DLG2: variants seen among roughly 807,000 people sequenced by gnomAD.
The protein encoded by DLG2 is disks large homolog 2.
In DLG2, 45 loss-of-function variants were observed where a neutral mutation model predicts 132.5. That is an observed-to-expected ratio of 0.34 (90% CI 0.27 to 0.44). The LOEUF (loss-of-function observed/expected upper bound fraction) is 0.44, where lower values mean the gene tolerates loss of function less well. Ranked by LOEUF, DLG2 falls within the 20% of genes least tolerant of loss-of-function variation. The pLI is 1.00. For synonymous variants in DLG2, 424 were observed against 419.6 expected (o/e 1.01, Z -0.13); for missense variants, 1,045 against 1,196.9 (o/e 0.87, Z 1.87).
chr11:85,036,324 G>GT (rs1304020880), intron 6 of DLG2, among the ~76,000 whole-genome samples: 7 of 151,762 alleles, frequency 4.6e-5, no homozygotes, highest in African/African-American at 9.7e-5. Context: ...TTCTTTATTT[G>GT]TTTTTTGTTT....
chr11:83,795,584 C>T (rs7105493), intron 17 of DLG2, among the ~76,000 whole-genome samples: 5,361 of 151,980 alleles, frequency 0.035, 314 homozygotes, highest in African/African-American at 0.12. Flanking sequence ...AGTTGTGTTG[C>T]TGCTGCTGTT....
At chr11:85,566,773 A>G (rs1015520567) in intron 3 of DLG2, among the ~76,000 whole-genome samples, 1 of 152,146 alleles carries the variant, frequency 6.6e-6, no homozygotes, top group Non-Finnish European at 1.5e-5. Context: ...ATCTACATCT[A>G]TGTTTCCTTC....
At chr11:85,044,165 C>T (rs61907774) in intron 6 of DLG2, among the ~76,000 whole-genome samples, 2,458 of 151,964 alleles carry the variant, frequency 0.016, 34 homozygotes, top group South Asian at 0.03. Flanking sequence ...TAGCTATAAC[C>T]TCTACTACAG....
chr11:84,655,909 C>A (rs998845825), intron 6 of DLG2, among the ~76,000 whole-genome samples: 1 of 152,116 alleles, frequency 6.6e-6, no homozygotes, highest in Non-Finnish European at 1.5e-5. Flanking sequence ...GGCATTCTGC[C>A]AGTTCATTTC....
chr11:85,159,471 T>C (rs1010934823), intron 4 of DLG2, among the ~76,000 whole-genome samples: 30 of 152,106 alleles, frequency 2.0e-4, no homozygotes, highest in African/African-American at 5.1e-4. Flanking sequence ...CCTGGAGGGA[T>C]TGTGGAGATT....
intron 16 of DLG2, among the ~76,000 whole-genome samples, chr11:83,851,037 C>T (rs536807020): frequency 3.6e-4 from 55 of 152,012 alleles, no homozygotes; most frequent in Admixed American, 1.2e-3. Flanking sequence ...ATTAGCCTGG[C>T]GTGGTGGCGG....
At chr11:84,389,122 G>C (rs905598418) in intron 7 of DLG2, among the ~76,000 whole-genome samples, 1 of 152,118 alleles carries the variant, frequency 6.6e-6, no homozygotes, top group Non-Finnish European at 1.5e-5. Flanking sequence ...TTGCTAGGAG[G>C]ATTAATTTGA....
chr11:84,811,547 A>G (rs1272164421), intron 6 of DLG2, among the ~76,000 whole-genome samples: 1 of 152,158 alleles, frequency 6.6e-6, no homozygotes, highest in East Asian at 1.9e-4. Flanking sequence ...GATACTAACA[A>G]CAAAGACAAT....
intron 7 of DLG2, among the ~76,000 whole-genome samples, chr11:84,282,129 G>C (rs936503161): frequency 1.3e-5 from 2 of 152,116 alleles, no homozygotes; most frequent in Non-Finnish European, 2.9e-5. Context: ...AAGATGAATA[G>C]ATTAAACAAT....
intron 8 of DLG2, among the ~76,000 whole-genome samples, chr11:84,183,702 T>C (rs1016781798): frequency 6.6e-6 from 1 of 152,124 alleles, no homozygotes; most frequent in African/African-American, 2.4e-5. Flanking sequence ...ATCAGGTATA[T>C]CTCCTAATGC....
At chr11:83,725,570 T>G (rs1014144035) in intron 18 of DLG2, among the ~76,000 whole-genome samples, 7 of 152,232 alleles carry the variant, frequency 4.6e-5, no homozygotes, top group African/African-American at 1.7e-4. Context: ...TAAGGTCCTC[T>G]CAATCTCAGA....
intron 6 of DLG2, among the ~76,000 whole-genome samples, chr11:84,821,440 A>G (rs2077664829): frequency 6.6e-6 from 1 of 151,722 alleles, no homozygotes; most frequent in African/African-American, 2.4e-5. Context: ...ATTCCAATAA[A>G]ACTTTATTTA....
intron 7 of DLG2, chr11:84,317,152 C>G (rs1220365193): frequency 1.2e-6 from 2 of 1,602,986 alleles, no homozygotes; most frequent in Non-Finnish European, 1.7e-6. Context: ...TCATACTGCA[C>G]TGATGCCTAC....
chr11:85,482,070 C>A (rs995177113), intron 3 of DLG2, among the ~76,000 whole-genome samples: 2 of 151,844 alleles, frequency 1.3e-5, no homozygotes, highest in Admixed American at 1.3e-4. Context: ...GGCTCCAGAC[C>A]AACCCCAAGG....
chr11:84,288,233 C>G (rs1223840390), intron 7 of DLG2, among the ~76,000 whole-genome samples: 1 of 151,508 alleles, frequency 6.6e-6, no homozygotes. Context: ...TATTAATCTC[C>G]TAGGATTATT....
rs79908633 is a variant in DLG2 at position 83,711,860 on chromosome 11, A to G, written c.1825+74830T>C. Among the ~76,000 whole-genome samples the G allele has an allele frequency of 6.3e-3, 962 of 152,316 alleles. 8 individuals are homozygous for G. The highest frequency in any genetic ancestry group is 0.022 in the African/African-American group (911 of 41,570). On this transcript the variant is annotated intron_variant, in intron 18 of 27. Coordinates refer to ENST00000376104, the MANE Select transcript of DLG2 (RefSeq NM_001142699.3). ...ACTCTACTTGGTGAAGCATGTACATATTCTTTTAAAGAATTTATTTTTTAC... is the reference window on the plus strand; with the variant it reads ...ACTCTACTTGGTGAAGCATGTACATGTTCTTTTAAAGAATTTATTTTTTAC...
chr11:85,417,985 G>T (rs1395316323), intron 3 of DLG2, among the ~76,000 whole-genome samples: 2 of 151,940 alleles, frequency 1.3e-5, no homozygotes, highest in African/African-American at 2.4e-5. Context: ...GCTATTTTTT[G>T]AATTTGTTTT....
intron 18 of DLG2, among the ~76,000 whole-genome samples, chr11:83,696,591 A>G (rs2081988112): frequency 6.6e-6 from 1 of 152,234 alleles, no homozygotes; most frequent in African/African-American, 2.4e-5. Context: ...GCATTTACTG[A>G]TGATACATTA....
At chr11:84,365,204 T>C (rs1459486075) in intron 7 of DLG2, among the ~76,000 whole-genome samples, 1 of 152,214 alleles carries the variant, frequency 6.6e-6, no homozygotes, top group East Asian at 1.9e-4. Flanking sequence ...TTTATTGGTC[T>C]ATTCAGAGAT....
Sources: allele counts gnomAD v4.1 joint callset (sites outside exome capture counted in the v4.1 genomes callset), GRCh38; gene constraint gnomAD v4.1.1; transcripts MANE v1.5; gene names NCBI Gene and HGNC (gene_info 2026-07-23, HGNC 2026-07-21).